Variants in SDK1 observed in about 807,000 individuals in gnomAD.
The protein encoded by SDK1 is protein sidekick-1.
SDK1 carries 157 observed loss-of-function variants against 245.5 expected under a neutral mutation model. The ratio of observed to expected loss-of-function variants is 0.64; its 90% CI spans 0.56 to 0.73. The LOEUF is 0.73. SDK1 is among the 30% of genes least tolerant of loss of function. The pLI is 0.00. For synonymous variants in SDK1, 1,647 were observed against 1,278.5 expected (o/e 1.29, Z -6.15); for missense variants, 3,583 against 3,002.3 (o/e 1.19, Z -4.52).
intron 31 of SDK1, 80 bp from the exon 32 acceptor site, chr7:4,161,706 C>A (rs1388000419): frequency 4.3e-6 from 5 of 1,155,926 alleles, no homozygotes; most frequent in East Asian, 4.7e-5. Context: ...CCTCCCCATA[C>A]TCACTGAGGG....
intron 4 of SDK1, among the ~76,000 whole-genome samples, chr7:3,778,366 C>T (rs920926567): frequency 6.6e-6 from 1 of 152,130 alleles, no homozygotes; most frequent in Non-Finnish European, 1.5e-5. Flanking sequence ...AAAACTAATG[C>T]TTTTGTTAAG....
chr7:4,135,741 G>C (rs543630596), intron 28 of SDK1, among the ~76,000 whole-genome samples: 1 of 152,338 alleles, frequency 6.6e-6, no homozygotes, highest in East Asian at 1.9e-4. Context: ...ACTTAGAACA[G>C]TGCCTGCCAC....
intron 5 of SDK1, among the ~76,000 whole-genome samples, chr7:3,901,072 C>T (rs1292951715): frequency 2.6e-5 from 4 of 152,108 alleles, no homozygotes; most frequent in African/African-American, 9.7e-5. Flanking sequence ...TTCATTTTTT[C>T]TCAACATTGA....
chr7:3,379,172 A>G (rs1781424180), intron 1 of SDK1, among the ~76,000 whole-genome samples: 1 of 152,150 alleles, frequency 6.6e-6, no homozygotes, highest in South Asian at 2.1e-4. Flanking sequence ...AATCTGTTCC[A>G]CAACTCTTTA....
rs952859023 is a variant in SDK1 at position 4,016,999 on chromosome 7, A to G, written c.2421-172A>G. On this transcript the variant is annotated intron_variant, in intron 16 of 44. Transcript: ENST00000404826. ...CTTATAATCACTGTGAGATTAGAGC[A>G]CACTTTTCAAAATCATCGAGTTGGG... Among the ~76,000 whole-genome samples the G allele has an allele frequency of 2.0e-5, 3 of 152,226 alleles. No homozygotes were observed. In the East Asian group the frequency reaches 5.8e-4, roughly 29 times the overall value.
chr7:3,946,559 C>A (rs1298966263), intron 5 of SDK1, among the ~76,000 whole-genome samples: 2 of 152,122 alleles, frequency 1.3e-5, no homozygotes, highest in African/African-American at 4.8e-5. Context: ...TCAAGAGAGC[C>A]ACTCACCTTG....
intron 17 of SDK1, among the ~76,000 whole-genome samples, chr7:4,046,166 T>A (rs1005921417): frequency 1.3e-5 from 2 of 151,918 alleles, no homozygotes; most frequent in East Asian, 3.9e-4. Context: ...GGCCTCAAAG[T>A]CCTGGCCTCA....
intron 17 of SDK1, among the ~76,000 whole-genome samples, chr7:4,033,692 A>G (rs1003974929): frequency 2.0e-5 from 3 of 152,208 alleles, no homozygotes; most frequent in African/African-American, 4.8e-5. Flanking sequence ...ATGGCCCATA[A>G]CCACAGGAGA....
In SDK1 at chr7:4,206,122, T is replaced by C. The variant is rs1284387039; in HGVS notation, c.5214+128T>C. ...CACCTGGAGAGCTGGGGCCCAAGCG[T>C]CGGAGCTTGGCTAGACCTGGCCTGT... On this transcript the variant is annotated intron_variant, in intron 36 of 44. Transcript: ENST00000404826. 26 of 649,184 alleles carry C rather than the reference T, an allele frequency of 4.0e-5. No individual in the cohort carries two copies. The Middle Eastern group carries it at 8.5e-4, about 21-fold the overall frequency. 40.2% of individuals were successfully genotyped at this position (649,184 alleles called of 1,614,324 possible).
At chr7:3,698,935 A>G (rs1784659262) in intron 4 of SDK1, among the ~76,000 whole-genome samples, 1 of 152,184 alleles carries the variant, frequency 6.6e-6, no homozygotes, top group Non-Finnish European at 1.5e-5. Flanking sequence ...GGATCAGTCT[A>G]TAATAACCTC....
chr7:3,320,367 T>G (rs925487368), intron 1 of SDK1, among the ~76,000 whole-genome samples: 14 of 152,144 alleles, frequency 9.2e-5, no homozygotes, highest in Admixed American at 2.0e-4. Context: ...AAGTATATGT[T>G]TTTATATTCT....
chr7:4,158,583 G>A, intron 31 of SDK1, 32 bp downstream of exon 31: 1 of 1,522,470 alleles, frequency 6.6e-7, no homozygotes, highest in Non-Finnish European at 9.1e-7. Flanking sequence ...CCGCGTTCCT[G>A]GCCGCTGCCC....
At chr7:4,024,604 C>A (rs530361914) in intron 17 of SDK1, among the ~76,000 whole-genome samples, 2 of 152,198 alleles carry the variant, frequency 1.3e-5, no homozygotes, top group Non-Finnish European at 2.9e-5. Flanking sequence ...TGCTGTGCCA[C>A]GTCCTTACAT....
At chr7:3,898,363 G>A (rs909048354) in intron 5 of SDK1, among the ~76,000 whole-genome samples, 3 of 152,116 alleles carry the variant, frequency 2.0e-5, no homozygotes, top group Non-Finnish European at 2.9e-5. Flanking sequence ...CTGCTGTCCG[G>A]TACAATGTCA....
intron 1 of SDK1, 147 bp from the exon 2 acceptor site, chr7:3,618,933 A>G (rs1361416316): frequency 1.6e-6 from 1 of 619,204 alleles, no homozygotes; most frequent in Non-Finnish European, 2.7e-6. Flanking sequence ...GGGTTTGGTA[A>G]AGGATTATTT....
chr7:3,974,828 C>G (rs1782785228), intron 13 of SDK1: 1 of 333,344 alleles, frequency 3.0e-6, no homozygotes, highest in Non-Finnish European at 5.6e-6. Context: ...ACACCTTATC[C>G]TGATAGGCCC....
intron 17 of SDK1, among the ~76,000 whole-genome samples, chr7:4,034,913 T>C (rs1562704648): frequency 6.6e-6 from 1 of 152,240 alleles, no homozygotes. Context: ...ATCAGCATTC[T>C]CTGAATATAT....
At chr7:3,838,529 C>T (rs746998762) in intron 5 of SDK1, among the ~76,000 whole-genome samples, 2 of 152,250 alleles carry the variant, frequency 1.3e-5, no homozygotes, top group African/African-American at 4.8e-5. Context: ...CACAGACTTG[C>T]AGCTCACCTG....
chr7:3,873,050 C>T (rs545547491), intron 5 of SDK1, among the ~76,000 whole-genome samples: 9 of 152,158 alleles, frequency 5.9e-5, no homozygotes, highest in African/African-American at 9.6e-5. Context: ...TTCATGTCTT[C>T]GTATTTATCC....
Sources: gnomAD v4.1 joint callset for allele counts (sites outside exome capture counted in the v4.1 genomes callset) on GRCh38, gnomAD v4.1.1 for gene constraint, MANE v1.5 for transcripts, NCBI Gene and HGNC (gene_info 2026-07-23, HGNC 2026-07-21) for gene names.